Variants in CADM2 observed in about 807,000 individuals in gnomAD.
CADM2 encodes the protein cell adhesion molecule 2, also known as immunoglobulin superfamily member 4D.
CADM2 carries 12 observed loss-of-function variants against 49.8 expected under a neutral mutation model. That is an observed-to-expected ratio of 0.24 (90% CI 0.15 to 0.39). CADM2 has a LOEUF of 0.39. Ranked by LOEUF, CADM2 falls within the 10% of genes least tolerant of loss-of-function variation. The probability of loss-of-function intolerance (pLI) is 1.00; values close to 1 mark genes in which losing one functional copy is unlikely to be tolerated. For missense variants in CADM2, 378 were observed against 492.3 expected, an observed-to-expected ratio of 0.77 and a Z score of 2.20; for synonymous variants, 214 against 175.4, an observed-to-expected ratio of 1.22 and a Z score of -1.74.
At chr3:85,932,712 T>C (rs1396289243) in intron 6 of CADM2, among the ~76,000 whole-genome samples, 1 of 152,188 alleles carries the variant, frequency 6.6e-6, no homozygotes, top group African/African-American at 2.4e-5. Context: ...TTTAAAATTA[T>C]CTTTACATAA....
intron 1 of CADM2, among the ~76,000 whole-genome samples, chr3:85,725,589 C>A (rs953146601): frequency 2.0e-5 from 3 of 151,904 alleles, no homozygotes; most frequent in African/African-American, 7.2e-5. Context: ...TATCTAATTA[C>A]GCATTTTGAA....
At chr3:85,488,858 A>G (rs186380110) in intron 1 of CADM2, among the ~76,000 whole-genome samples, 2 of 152,186 alleles carry the variant, frequency 1.3e-5, no homozygotes, top group East Asian at 3.9e-4. Flanking sequence ...CTTCAGTAGT[A>G]CCAAGTGAGG....
intron 1 of CADM2, among the ~76,000 whole-genome samples, chr3:85,625,758 A>T (rs991332189): frequency 3.3e-5 from 5 of 151,866 alleles, no homozygotes; most frequent in Non-Finnish European, 7.4e-5. Flanking sequence ...GAGGCTGTAT[A>T]TAATGTAGTT....
rs1181838731 is a variant in CADM2 at position 85,987,176 on chromosome 3, G to GAATACAAGGTTTTCTTTCCAC, written c.970+25529_970+25530insAATACAAGGTTTTCTTTCCAC. On this transcript the variant is annotated intron_variant, in intron 8 of 9. Coordinates refer to ENST00000383699, the MANE Select transcript of CADM2 (RefSeq NM_001167675.2). Reference sequence around the variant, plus strand: ...TTTGGAAAATATCTGAGAAAACCTTGTATTTATATTTTCTTTCCACTATTA... The same window carrying GAATACAAGGTTTTCTTTCCAC: ...TTTGGAAAATATCTGAGAAAACCTTGAATACAAGGTTTTCTTTCCACTATTTATATTTTCTTTCCACTATTA... Among the ~76,000 whole-genome samples, 19 of 152,028 alleles carry GAATACAAGGTTTTCTTTCCAC rather than the reference G, an allele frequency of 1.2e-4. No homozygotes were observed. In the East Asian group the frequency reaches 1.4e-3, roughly 11 times the overall value.
chr3:85,657,817 A>G (rs2065260822), intron 1 of CADM2, among the ~76,000 whole-genome samples: 1 of 140,530 alleles, frequency 7.1e-6, no homozygotes, highest in Non-Finnish European at 1.5e-5. Flanking sequence ...TCTAAAATTC[A>G]TATGATCAAG....
intron 1 of CADM2, among the ~76,000 whole-genome samples, chr3:85,094,908 A>C (rs2037736239): frequency 6.6e-6 from 1 of 152,148 alleles, no homozygotes; most frequent in Non-Finnish European, 1.5e-5. Flanking sequence ...TGTTTTTAAA[A>C]TCAGATATTA....
chr3:86,018,240 G>A (rs1180002438), intron 8 of CADM2, among the ~76,000 whole-genome samples: 1,267 of 124,240 alleles, frequency 0.01, 33 homozygotes, highest in African/African-American at 0.038. Context: ...GTATTCCATG[G>A]TGTATATGTG....
chr3:85,621,207 A>T (rs541568346), intron 1 of CADM2, among the ~76,000 whole-genome samples: 1 of 152,122 alleles, frequency 6.6e-6, no homozygotes, highest in East Asian at 1.9e-4. Flanking sequence ...AGATGATCAG[A>T]AACTATGTCT....
At chr3:85,123,629 A>G (rs1246875406) in intron 1 of CADM2, among the ~76,000 whole-genome samples, 1 of 152,146 alleles carries the variant, frequency 6.6e-6, no homozygotes, top group Non-Finnish European at 1.5e-5. Context: ...TAAATCTTAT[A>G]AAAGATTTTC....
At chr3:85,501,315 C>G (rs2040107291) in intron 1 of CADM2, among the ~76,000 whole-genome samples, 1 of 152,132 alleles carries the variant, frequency 6.6e-6, no homozygotes, top group Non-Finnish European at 1.5e-5. Context: ...AAAGATTGAG[C>G]AGAATGACAC....
chr3:85,900,969 A>G (rs1276734928), intron 5 of CADM2, among the ~76,000 whole-genome samples: 3 of 152,236 alleles, frequency 2.0e-5, no homozygotes, highest in South Asian at 2.1e-4. Flanking sequence ...AAGATATTTT[A>G]CAAAATTTAT....
intron 1 of CADM2, among the ~76,000 whole-genome samples, chr3:85,591,219 C>T (rs188780443): frequency 6.6e-6 from 1 of 152,008 alleles, no homozygotes; most frequent in East Asian, 1.9e-4. Context: ...GAAACTGAAC[C>T]TTCACTGATG....
At chr3:85,780,803 G>T (rs144218958) in intron 2 of CADM2, among the ~76,000 whole-genome samples, 4 of 152,122 alleles carry the variant, frequency 2.6e-5, no homozygotes, top group African/African-American at 9.6e-5. Context: ...CTGCTATTTT[G>T]ATCATGTATC....
intron 7 of CADM2, among the ~76,000 whole-genome samples, chr3:85,947,174 A>T (rs910371561): frequency 6.6e-6 from 1 of 152,026 alleles, no homozygotes; most frequent in African/African-American, 2.4e-5. Context: ...ACATTTATGC[A>T]GCCAAAAGAC....
intron 7 of CADM2, among the ~76,000 whole-genome samples, chr3:85,955,723 C>T (rs1208901057): frequency 6.6e-6 from 1 of 151,386 alleles, no homozygotes; most frequent in Non-Finnish European, 1.5e-5. Context: ...TGTGGCAATA[C>T]CTTTCAACAG....
chr3:85,697,204 C>T (rs2066594919), intron 1 of CADM2, among the ~76,000 whole-genome samples: 1 of 151,432 alleles, frequency 6.6e-6, no homozygotes, highest in Non-Finnish European at 1.5e-5. Flanking sequence ...TATTTTTCTG[C>T]TTGTAATTCA....
At chr3:85,326,281 C>T (rs565570041) in intron 1 of CADM2, among the ~76,000 whole-genome samples, 1 of 151,416 alleles carries the variant, frequency 6.6e-6, no homozygotes, top group Admixed American at 6.6e-5. Flanking sequence ...ATAATGATTT[C>T]AGGAATTGAA....
chr3:85,101,092 A>G (rs1190424022), intron 1 of CADM2, among the ~76,000 whole-genome samples: 1 of 152,040 alleles, frequency 6.6e-6, no homozygotes, highest in Non-Finnish European at 1.5e-5. Context: ...TATCTCTACT[A>G]AAAATAGAAA....
At chr3:85,006,196 T>G (rs947883054) in intron 1 of CADM2, among the ~76,000 whole-genome samples, 4 of 152,058 alleles carry the variant, frequency 2.6e-5, no homozygotes, top group Non-Finnish European at 5.9e-5. Context: ...TAGAGCTGAC[T>G]CTGAGCCCAA....
Sources: allele counts gnomAD v4.1 joint callset (sites outside exome capture counted in the v4.1 genomes callset), GRCh38; gene constraint gnomAD v4.1.1; transcripts MANE v1.5; gene names NCBI Gene and HGNC (gene_info 2026-07-23, HGNC 2026-07-21).